EXD3: variants seen among roughly 807,000 people sequenced by gnomAD.
EXD3 encodes exonuclease 3'-5' domain containing 3.
EXD3 carries 92 observed loss-of-function variants against 98.0 expected under a neutral mutation model. The ratio of observed to expected loss-of-function variants is 0.94; its 90% confidence interval spans 0.79 to 1.12. The LOEUF (loss-of-function observed/expected upper bound fraction) is 1.12. Ranked by LOEUF, EXD3 falls within the 50% of genes most tolerant of loss-of-function variation. The pLI, the probability that EXD3 is intolerant of heterozygous loss-of-function variation, is 0.00. For missense variants in EXD3, 1,222 were observed against 1,191.6 expected, an observed-to-expected ratio of 1.03 and a Z score of -0.38; for synonymous variants, 569 against 526.0, an observed-to-expected ratio of 1.08 and a Z score of -1.12.
chr9:137,327,586 GA>G (rs1264262244), intron 17 of EXD3, among the ~76,000 whole-genome samples: 2 of 151,414 alleles, frequency 1.3e-5, no homozygotes, highest in African/African-American at 4.8e-5. Flanking sequence ...CAAAAAGAAA[GA>G]AAAAAAGGGA....
At chr9:137,361,701 G>A (rs7847853) in intron 7 of EXD3, among the ~76,000 whole-genome samples, 93,909 of 146,018 alleles carry the variant, frequency 0.64, 30,899 homozygotes, top group East Asian at 0.85. Flanking sequence ...AGCTGAGATC[G>A]CGCCACTGCA....
chr9:137,413,924 T>G (rs1166109732), intron 1 of EXD3, among the ~76,000 whole-genome samples: 4 of 150,188 alleles, frequency 2.7e-5, no homozygotes, highest in Admixed American at 6.6e-5. Flanking sequence ...TTTTTCTTTT[T>G]TTTTTTTTTT....
Position 137,355,390 on chromosome 9 carries a change from C to T in EXD3, c.758-617G>A, listed in dbSNP as rs539600670. Reference sequence around the variant, plus strand: ...CGCCCAGAGCGCAGCCACGGGGAGCCGGGCGACCATCTGCCCTGAGGCAGG... The same window carrying T: ...CGCCCAGAGCGCAGCCACGGGGAGCTGGGCGACCATCTGCCCTGAGGCAGG... On this transcript the variant is annotated intron_variant, in intron 8 of 21. Transcript: ENST00000340951. Among the ~76,000 whole-genome samples the T allele has an allele frequency of 1.5e-4, 22 of 142,302 alleles. 3 individuals carry two copies. Among genetic ancestry groups the T allele is most frequent in the Middle Eastern group, 3.5e-3 (1 of 284 alleles). 93.4% of individuals were successfully genotyped at this position (142,302 alleles called of 152,430 possible).
chr9:137,413,027 C>A (rs1838070553), intron 1 of EXD3, among the ~76,000 whole-genome samples: 1 of 152,198 alleles, frequency 6.6e-6, no homozygotes, highest in Non-Finnish European at 1.5e-5. Flanking sequence ...GGTAATCCTC[C>A]TGCCTCAACC....
At chr9:137,348,378 T>G in intron 16 of EXD3, 140 bp from the exon 17 acceptor site, 1 of 1,047,928 alleles carries the variant, frequency 9.5e-7, no homozygotes, top group Non-Finnish European at 1.3e-6. Flanking sequence ...GTGCTGTGCA[T>G]AAAACAGCAG....
chr9:137,349,817 T>C lies in EXD3; in HGVS notation c.1495-286A>G, dbSNP rs1210229168. On this transcript the variant is annotated intron_variant, in intron 14 of 21. Coordinates refer to ENST00000340951, the MANE Select transcript of EXD3 (RefSeq NM_017820.5). This position sits in a 1 kb window ranked among gnomAD's most constrained non-coding sequence, Gnocchi z 7.4. ...TCACAGCCTCAGAGAGCCCGGGCCC[T>C]GAGTCTGTGTGGCCAGCTCTCTGTC... is the stretch of plus-strand genomic sequence containing the variant. Among the ~76,000 whole-genome samples the C allele has an allele frequency of 6.6e-6, 1 of 152,104 alleles. No individual in the cohort carries two copies. Among genetic ancestry groups the C allele is most frequent in the Admixed American group, 6.5e-5 (1 of 15,276 alleles).
Position 137,388,155 on chromosome 9 carries a change from C to T in EXD3, c.56-4778G>A, listed in dbSNP as rs146410993. ...AGCTGGGCTGCTTCTCTCTGGGGGGCTGAATCATGGTCCCTGCCCAGCACC... is the reference window on the plus strand; with the variant it reads ...AGCTGGGCTGCTTCTCTCTGGGGGGTTGAATCATGGTCCCTGCCCAGCACC... On this transcript the variant is annotated intron_variant, in intron 2 of 21. Transcript: ENST00000340951. 5.3e-3 allele frequency among the ~76,000 whole-genome samples: 803 copies of T among 152,278 alleles called. 9 individuals are homozygous for T. Among genetic ancestry groups the T allele is most frequent in the African/African-American group, 0.017 (698 of 41,552 alleles).
chr9:137,381,598 C>T (rs1004672224), intron 3 of EXD3, among the ~76,000 whole-genome samples: 1 of 152,114 alleles, frequency 6.6e-6, no homozygotes, highest in Non-Finnish European at 1.5e-5. Flanking sequence ...CTCACCCGCC[C>T]GGTGTGCTGG....
chr9:137,366,778 C>T, intron 6 of EXD3, 146 bp from the exon 7 acceptor site: 1 of 1,030,712 alleles, frequency 9.7e-7, no homozygotes, highest in Non-Finnish European at 1.4e-6. Flanking sequence ...CCGGCCAGTG[C>T]TCACGCTCAC....
Position 137,403,087 on chromosome 9 carries a change from C to T in EXD3, c.-47-7683G>A, listed in dbSNP as rs139590792. 2.0e-5 allele frequency among the ~76,000 whole-genome samples: 3 copies of T among 152,140 alleles called. No individual in the cohort carries two copies. Among genetic ancestry groups the T allele is most frequent in the Non-Finnish European group, 4.4e-5 (3 of 68,040 alleles). On this transcript the variant is annotated intron_variant, in intron 1 of 21. Transcript: ENST00000340951. This position sits in a 1 kb window ranked among gnomAD's most constrained non-coding sequence, Gnocchi z 6.1. ...GTGAGGACACAGCCAAAGCATATCA[C>T]CCGCCACGGGAGACCCTGTGGCTCG...
At chr9:137,409,825 C>T (rs1837908995) in intron 1 of EXD3, among the ~76,000 whole-genome samples, 4 of 152,250 alleles carry the variant, frequency 2.6e-5, no homozygotes, top group Non-Finnish European at 4.4e-5. Context: ...ACAAGCGGGG[C>T]TCCCCAGCTC....
intron 17 of EXD3, among the ~76,000 whole-genome samples, chr9:137,326,524 T>C (rs1193244767): frequency 6.6e-6 from 1 of 151,624 alleles, no homozygotes. Flanking sequence ...AGACCTTATC[T>C]CAAAAAGAAA....
chr9:137,410,500 A>G (rs1837942421), intron 1 of EXD3, among the ~76,000 whole-genome samples: 1 of 151,970 alleles, frequency 6.6e-6, no homozygotes. Context: ...AAAAAAAAAA[A>G]AAAAATTAAC....
In EXD3 at chr9:137,323,774, T is replaced by C. The variant is rs545069862; in HGVS notation, c.2135A>G (p.Lys712Arg). ...GTGGGTGACACGCACGTTGAAATGC[T>C]TGAGCACAGCCTTGGCCTGCTGCTG... ...KAQQQAKAVL[K>R]HFNVRVTHAD... The change falls in exon 19 of 22, where the codon AAG (lysine) becomes AGG (arginine). Residue 712 changes from lysine (K) to arginine (R), a missense_variant. Transcript: ENST00000340951. 5.6e-6 allele frequency: 9 copies of C among 1,612,412 alleles called. No individual in the cohort carries two copies. The African/African-American group carries it at 9.3e-5, about 17-fold the overall frequency.
intron 19 of EXD3, among the ~76,000 whole-genome samples, chr9:137,318,409 C>T (rs1831828848): frequency 3.3e-5 from 5 of 152,268 alleles, no homozygotes; most frequent in South Asian, 4.1e-4. Flanking sequence ...ATGCCCACTT[C>T]CAAGGGGCTG....
rs754164022 is a variant in EXD3, at chr9:137,323,904, C to T, written c.2053-48G>A. 3.8e-5 allele frequency: 60 copies of T among 1,558,678 alleles called. 1 individual carries two copies. The South Asian group carries it at 6.7e-4, about 17-fold the overall frequency. On this transcript the variant is annotated intron_variant, in intron 18 of 21. Coordinates refer to ENST00000340951, the MANE Select transcript of EXD3 (RefSeq NM_017820.5). ...CTGAGGGGCAGTGCAGAGCCCAGCA[C>T]CTGCCCAGGCCCAGCCCGCCTCCGC...
chr9:137,307,772 C>G, intron 20 of EXD3, 126 bp from the exon 21 acceptor site: 1 of 1,025,180 alleles, frequency 9.8e-7, no homozygotes, highest in Non-Finnish European at 1.4e-6. Context: ...TCTTCACACA[C>G]CCCCCAGCCT....
Position 137,366,593 on chromosome 9 carries a change from C to T in EXD3, c.556G>A (p.Val186Met), listed in dbSNP as rs766206273. The T allele has an allele frequency of 1.7e-5, 27 of 1,555,432 alleles. No homozygotes were observed. Among genetic ancestry groups the T allele is most frequent in the South Asian group, 9.5e-5 (8 of 84,260 alleles). The change falls in exon 7 of 22, where the codon GTG becomes ATG. Residue 186 changes from valine to methionine, a missense_variant. By Grantham distance (21) the Val-to-Met change is conservative (BLOSUM62 1). Coordinates refer to ENST00000340951, the MANE Select transcript of EXD3 (RefSeq NM_017820.5). ...GGGAAGCCGGCCACATAGCGCTCCA[C>T]GAGGGCCACCTTGTCCTGGAGGAGC... ...PLLLQDKVAL[V>M]ERYVAGFPDL...
At chr9:137,400,946 G>C (rs1469839424) in intron 1 of EXD3, among the ~76,000 whole-genome samples, 1 of 152,092 alleles carries the variant, frequency 6.6e-6, no homozygotes, top group Non-Finnish European at 1.5e-5. Context: ...GTCTTGGGCA[G>C]CTCCACCCCT....
Sources: gnomAD v4.1 joint callset for allele counts (sites outside exome capture counted in the v4.1 genomes callset) on GRCh38, gnomAD v4.1.1 for gene constraint, Gnocchi (gnomAD v3.1) non-coding constraint, MANE v1.5 for transcripts, NCBI Gene and HGNC (gene_info 2026-07-23, HGNC 2026-07-21) for gene names.